The following NRG1 variants were observed in gnomAD, a reference collection of about 807,000 sequenced individuals.
NRG1 encodes pro-neuregulin-1, membrane-bound isoform.
NRG1 carries 18 observed loss-of-function variants against 63.8 expected under a neutral mutation model. That is an observed-to-expected ratio of 0.28 (90% CI 0.19 to 0.42). The LOEUF (loss-of-function observed/expected upper bound fraction) is 0.42. NRG1 is among the 10% of genes least tolerant of loss of function. The pLI is 1.00. For missense variants in NRG1, 762 were observed against 814.7 expected, an observed-to-expected ratio of 0.94 and a Z score of 0.79; for synonymous variants, 302 against 301.3, an observed-to-expected ratio of 1.00 and a Z score of -0.02.
intron 1 of NRG1, among the ~76,000 whole-genome samples, chr8:31,952,015 T>C (rs1231358329): frequency 2.0e-5 from 3 of 152,168 alleles, no homozygotes; most frequent in Non-Finnish European, 4.4e-5. Flanking sequence ...ACCGACTGTC[T>C]TACTTTCCTA....
At chr8:31,719,563 A>G (rs1812693050) in intron 1 of NRG1, among the ~76,000 whole-genome samples, 1 of 152,160 alleles carries the variant, frequency 6.6e-6, no homozygotes, top group Non-Finnish European at 1.5e-5. Flanking sequence ...ATCTTAGAAC[A>G]CCTCAGTAAT....
chr8:32,522,678 C>T (rs1174917896), intron 1 of NRG1, among the ~76,000 whole-genome samples: 7 of 152,186 alleles, frequency 4.6e-5, no homozygotes, highest in South Asian at 2.1e-4. Context: ...CAATTTCTCC[C>T]TTTCTTGTTT....
At chr8:32,641,617 G>C (rs1353593469) in intron 5 of NRG1, among the ~76,000 whole-genome samples, 1 of 152,152 alleles carries the variant, frequency 6.6e-6, no homozygotes, top group Non-Finnish European at 1.5e-5. Context: ...TGTATCTTCA[G>C]TTACAGAGGA....
At chr8:32,101,488 T>C (rs1830576743) in intron 1 of NRG1, among the ~76,000 whole-genome samples, 1 of 151,964 alleles carries the variant, frequency 6.6e-6, no homozygotes, top group Non-Finnish European at 1.5e-5. Flanking sequence ...ATTTTTTTTT[T>C]TTTTTTTTTT....
chr8:32,332,876 T>C (rs567851438), intron 1 of NRG1, among the ~76,000 whole-genome samples: 4 of 152,346 alleles, frequency 2.6e-5, no homozygotes, highest in African/African-American at 9.6e-5. Context: ...TGCTTTTTAA[T>C]GATTTAAATA....
At chr8:32,041,270 T>C (rs1380507647) in intron 1 of NRG1, among the ~76,000 whole-genome samples, 2 of 152,188 alleles carry the variant, frequency 1.3e-5, no homozygotes, top group African/African-American at 4.8e-5. Flanking sequence ...TTCTCCTTCT[T>C]AATTACTACA....
At chr8:31,972,650 C>A in intron 1 of NRG1, among the ~76,000 whole-genome samples, 1 of 152,106 alleles carries the variant, frequency 6.6e-6, no homozygotes, top group East Asian at 1.9e-4. Context: ...CCTTTCAACT[C>A]ATCCTTTTTA....
At chr8:31,865,090 C>T (rs1828832944) in intron 1 of NRG1, among the ~76,000 whole-genome samples, 1 of 152,114 alleles carries the variant, frequency 6.6e-6, no homozygotes, top group African/African-American at 2.4e-5. Flanking sequence ...AAAGCGTTTT[C>T]AGTTTGGGCA....
rs140586965 is a variant in NRG1 at position 32,188,394 on chromosome 8, C to T, written c.38-407434C>T. Among the ~76,000 whole-genome samples the T allele has an allele frequency of 2.2e-4, 34 of 152,314 alleles. No homozygotes were observed. In the East Asian group the frequency reaches 6.6e-3, roughly 29 times the overall value. Reference sequence around the variant, plus strand: ...ATTATAGATTTTGACACTCAGATTACTTTGGCTGGTCTAGTAGGCAAATAA... The same window carrying T: ...ATTATAGATTTTGACACTCAGATTATTTTGGCTGGTCTAGTAGGCAAATAA... On this transcript the variant is annotated intron_variant, in intron 1 of 10. Transcript: ENST00000519301.
chr8:32,098,121 G>A (rs1435315181), intron 1 of NRG1, among the ~76,000 whole-genome samples: 2 of 147,442 alleles, frequency 1.4e-5, no homozygotes, highest in East Asian at 2.1e-4. Flanking sequence ...CAATCAGTAC[G>A]GTGGGAAGAA....
chr8:32,338,509 T>C (rs920072380), intron 1 of NRG1, among the ~76,000 whole-genome samples: 3 of 152,122 alleles, frequency 2.0e-5, no homozygotes, highest in African/African-American at 7.2e-5. Flanking sequence ...GTCTGTACGC[T>C]AGGAGAATGG....
Position 32,169,526 on chromosome 8 carries a change from C to T in NRG1, c.38-426302C>T, listed in dbSNP as rs955992341. ...TCAAGAATTCTGAGGTTGGGTTTGA[C>T]AGTGATTAGTGTAAATTAAGTAGAA... On this transcript the variant is annotated intron_variant, in intron 1 of 10. Transcript: ENST00000519301. Among the ~76,000 whole-genome samples the T allele has an allele frequency of 6.6e-5, 10 of 152,230 alleles. No individual in the cohort carries two copies. In the South Asian group the frequency reaches 1.0e-3, roughly 16 times the overall value.
At chr8:31,717,179 G>T (rs1258033599) in intron 1 of NRG1, among the ~76,000 whole-genome samples, 2 of 152,156 alleles carry the variant, frequency 1.3e-5, no homozygotes, top group African/African-American at 2.4e-5. Flanking sequence ...GGCTGAGGCA[G>T]GTGGATCACT....
intron 1 of NRG1, among the ~76,000 whole-genome samples, chr8:32,121,220 T>G (rs1833401974): frequency 6.6e-6 from 1 of 152,088 alleles, no homozygotes; most frequent in Non-Finnish European, 1.5e-5. Flanking sequence ...GTTTTTGTTT[T>G]GTTTTGTTTT....
At chr8:32,432,363 T>C (rs951417109) in intron 1 of NRG1, among the ~76,000 whole-genome samples, 2 of 152,126 alleles carry the variant, frequency 1.3e-5, no homozygotes, top group Admixed American at 6.5e-5. Context: ...TTACTAATTA[T>C]CTCCCTTTTA....
At chr8:32,031,088 C>T (rs887076286) in intron 1 of NRG1, among the ~76,000 whole-genome samples, 2 of 152,150 alleles carry the variant, frequency 1.3e-5, no homozygotes, top group Non-Finnish European at 2.9e-5. Context: ...TCCCTGATGG[C>T]AGCTGTCTCT....
chr8:32,113,021 G>C (rs1832236950), intron 1 of NRG1, among the ~76,000 whole-genome samples: 2 of 152,152 alleles, frequency 1.3e-5, no homozygotes. Context: ...TGAACTTCAA[G>C]ACAGTAATGG....
intron 1 of NRG1, among the ~76,000 whole-genome samples, chr8:31,841,360 A>C (rs957823281): frequency 2.0e-5 from 3 of 152,126 alleles, no homozygotes; most frequent in African/African-American, 7.2e-5. Flanking sequence ...AGACTGAGAA[A>C]ATGCTAAGTC....
intron 7 of NRG1, among the ~76,000 whole-genome samples, chr8:32,748,094 T>G (rs1473725802): frequency 6.6e-6 from 1 of 152,040 alleles, no homozygotes; most frequent in Non-Finnish European, 1.5e-5. Context: ...CACACTCATC[T>G]CCTGCTTTTT....
Sources: allele counts gnomAD v4.1 joint callset (sites outside exome capture counted in the v4.1 genomes callset), GRCh38; gene constraint gnomAD v4.1.1; transcripts MANE v1.5; gene names NCBI Gene and HGNC (gene_info 2026-07-23, HGNC 2026-07-21).